GOLM1: variants seen among roughly 807,000 people sequenced by gnomAD.
GOLM1 encodes the protein golgi membrane protein 1, also known as epididymis luminal protein 46.
Under a neutral mutation model 50.5 loss-of-function variants are expected in GOLM1, and 31 were observed. That is an observed-to-expected ratio of 0.61 (90% confidence interval 0.46 to 0.83). The LOEUF (loss-of-function observed/expected upper bound fraction) is 0.83. Among genes scored for constraint, GOLM1 ranks in the 40% least tolerant of loss-of-function variants. The pLI is 0.00. For synonymous variants in GOLM1, 178 were observed against 192.8 expected, an observed-to-expected ratio of 0.92 and a Z score of 0.64; for missense variants, 491 against 501.3, an observed-to-expected ratio of 0.98 and a Z score of 0.20.
rs776901302 is a variant in GOLM1 at position 86,036,453 on chromosome 9, T to A, written c.652A>T (p.Thr218Ser). The change falls in exon 7 of 10, where the codon ACA (threonine) becomes TCA (serine). Residue 218 changes from threonine to serine, a missense_variant. Physicochemically the swap from Thr to Ser is moderately conservative, Grantham distance 58. Transcript: ENST00000388712. ...PRLQAAGLPH[T>S]EVPQGKGNVL... ...TTTCCCTTCCCTTGTGGCACCTCTG[T>A]GTGTGGCAGGCCTGCTGCCTGCAGC... 1.2e-6 allele frequency: 2 copies of A among 1,613,950 alleles called. No individual in the cohort carries two copies. The highest frequency in any genetic ancestry group is 1.7e-6 in the Non-Finnish European group (2 of 1,179,980).
At chr9:86,090,047 G>A (rs187186260) in intron 1 of GOLM1, among the ~76,000 whole-genome samples, 1 of 152,268 alleles carries the variant, frequency 6.6e-6, no homozygotes, top group Non-Finnish European at 1.5e-5. Context: ...GTCCACTCCA[G>A]ACACTGCCTG....
chr9:86,038,698 T>C (rs1270614928), intron 6 of GOLM1, among the ~76,000 whole-genome samples: 4 of 152,168 alleles, frequency 2.6e-5, no homozygotes, highest in African/African-American at 9.7e-5. Flanking sequence ...AAGCAGTCTT[T>C]CTTTCAACAA....
chr9:86,039,597 A>C (rs185531702), intron 6 of GOLM1, among the ~76,000 whole-genome samples: 19 of 152,338 alleles, frequency 1.2e-4, no homozygotes, highest in Non-Finnish European at 2.9e-5. Flanking sequence ...AGGATGGATT[A>C]ATCAGCCATT....
intron 3 of GOLM1, among the ~76,000 whole-genome samples, chr9:86,066,707 T>C (rs1834317362): frequency 6.6e-6 from 1 of 152,180 alleles, no homozygotes; most frequent in Middle Eastern, 3.2e-3. Flanking sequence ...ATGAAGCTAT[T>C]TGTGACTGAA....
chr9:86,093,857 T>G (rs1033534885), intron 1 of GOLM1, among the ~76,000 whole-genome samples: 1 of 152,186 alleles, frequency 6.6e-6, no homozygotes, highest in East Asian at 1.9e-4. Flanking sequence ...AGCAAATATA[T>G]AGGAGCAATC....
rs1312760914 is a variant in GOLM1, at chr9:86,027,780, T to C, written c.*37A>G. The stretch of plus-strand genomic sequence containing the variant: ...CTCATGAACATTTTATAGTCATCTC[T>C]TCGGCCCTGTTGTGAAATATGTGAT... On this transcript the variant is annotated 3_prime_UTR_variant, in exon 10 of 10. Coordinates refer to ENST00000388712, the MANE Select transcript of GOLM1 (RefSeq NM_016548.4). The C allele has an allele frequency of 1.9e-6, 3 of 1,606,086 alleles. No homozygotes were observed. The highest frequency in any genetic ancestry group is 2.6e-6 in the Non-Finnish European group (3 of 1,175,930).
chr9:86,046,863 G>A (rs1833562987), intron 4 of GOLM1, among the ~76,000 whole-genome samples: 1 of 152,056 alleles, frequency 6.6e-6, no homozygotes, highest in Non-Finnish European at 1.5e-5. Flanking sequence ...AATGTATATT[G>A]GAAGCTTCTG....
intron 3 of GOLM1, among the ~76,000 whole-genome samples, chr9:86,056,507 T>TAA (rs1564348870): frequency 6.6e-5 from 9 of 135,574 alleles, no homozygotes; most frequent in South Asian, 2.3e-4. Context: ...TATTTAAATT[T>TAA]TTTTTTTTTT....
intron 3 of GOLM1, among the ~76,000 whole-genome samples, chr9:86,057,538 G>A (rs1834028289): frequency 6.6e-6 from 1 of 152,168 alleles, no homozygotes; most frequent in Non-Finnish European, 1.5e-5. Flanking sequence ...GCCACTGTGG[G>A]AAACAGAACC....
intron 1 of GOLM1, among the ~76,000 whole-genome samples, chr9:86,097,370 T>G (rs1835382350): frequency 6.6e-6 from 1 of 152,206 alleles, no homozygotes; most frequent in African/African-American, 2.4e-5. Context: ...AAAACAGAAG[T>G]GCTTTTAAAA....
intron 2 of GOLM1, 80 bp from the exon 3 acceptor site, chr9:86,077,671 C>G: frequency 1.0e-6 from 1 of 957,598 alleles, no homozygotes; most frequent in Non-Finnish European, 1.6e-6. Context: ...CCACAAAGAC[C>G]ACCTTGGGGC....
rs1455467196 is a variant in GOLM1, at chr9:86,026,385, T to TTAAG, written c.*1428_*1431dup. On this transcript the variant is annotated 3_prime_UTR_variant, in exon 10 of 10. Transcript: ENST00000388712. ...TAAGGACATCACATATGAAGAATGT[T>TTAAG]TAAGTTGGAGGTGGCAACGTGAATT... The TTAAG allele has an allele frequency of 9.1e-6, 9 of 985,062 alleles. No individual in the cohort carries two copies. The highest frequency in any genetic ancestry group is 5.2e-4 in the Middle Eastern group (1 of 1,936). The allele number at this position is 985,062 out of a possible 1,614,324, so 61.0% of individuals were successfully genotyped here.
chr9:86,060,983 T>A (rs930302803), intron 3 of GOLM1, among the ~76,000 whole-genome samples: 2 of 149,798 alleles, frequency 1.3e-5, no homozygotes, highest in African/African-American at 4.9e-5. Context: ...CATGAGGAAT[T>A]CCTGGATGTT....
At chr9:86,079,591 A>AACCTGCCACAGATTAGC (rs1302900294) in intron 1 of GOLM1, 2 of 335,578 alleles carry the variant, frequency 6.0e-6, no homozygotes. Flanking sequence ...ACCGCCCCGA[A>AACCTGCCACAGATTAGC]ACCTGCCACA....
chr9:86,066,092 T>A (rs1453170319), intron 3 of GOLM1, among the ~76,000 whole-genome samples: 2 of 152,146 alleles, frequency 1.3e-5, no homozygotes, highest in Non-Finnish European at 2.9e-5. Flanking sequence ...AACTCTCAAG[T>A]AGGACCAATG....
intron 7 of GOLM1, among the ~76,000 whole-genome samples, chr9:86,035,886 A>AAAAAAAAC (rs1833123361): frequency 2.0e-5 from 3 of 148,644 alleles, no homozygotes; most frequent in Admixed American, 1.3e-4. Flanking sequence ...AACAAAACAA[A>AAAAAAAAC]AAAAAAAAAA....
chr9:86,077,341 G>T, intron 3 of GOLM1, 71 bp downstream of exon 3: 1 of 1,269,052 alleles, frequency 7.9e-7, no homozygotes, highest in Non-Finnish European at 1.1e-6. Context: ...TCATCCTCCC[G>T]CCAAGAAGAA....
At chr9:86,070,674 C>A (rs1834423735) in intron 3 of GOLM1, among the ~76,000 whole-genome samples, 1 of 152,178 alleles carries the variant, frequency 6.6e-6, no homozygotes, top group South Asian at 2.1e-4. Context: ...GGGCCCCAGG[C>A]ACATCCTAGA....
chr9:86,085,455 T>TC (rs60549739), intron 1 of GOLM1, among the ~76,000 whole-genome samples: 4 of 123,944 alleles, frequency 3.2e-5, no homozygotes, highest in African/African-American at 1.7e-4. Context: ...AAGTTTTTGT[T>TC]TTTTTTTTTT....
Sources: allele counts gnomAD v4.1 joint callset (sites outside exome capture counted in the v4.1 genomes callset), GRCh38; gene constraint gnomAD v4.1.1; transcripts MANE v1.5; gene names NCBI Gene and HGNC (gene_info 2026-07-23, HGNC 2026-07-21).